The following OR2M4 variants were observed in gnomAD, a reference collection of about 807,000 sequenced individuals.
OR2M4 encodes olfactory receptor 2M4.
A neutral mutation model predicts 13.7 loss-of-function variants in OR2M4; 8 were observed. That is an observed-to-expected ratio of 0.58 (90% CI 0.34 to 1.05). The LOEUF is 1.05. Among genes scored for constraint, OR2M4 ranks in the 50% least tolerant of loss-of-function variants. OR2M4 has a pLI of 0.02. For synonymous variants in OR2M4, 152 were observed against 141.3 expected (o/e 1.08, Z -0.53); for missense variants, 374 against 381.6 (o/e 0.98, Z 0.17).
rs772422678 is a variant in OR2M4, at chr1:248,241,750, C to A, written c.*1886C>A. 4.6e-5 allele frequency: 7 copies of A among 152,008 alleles called. No individual in the cohort carries two copies. In the South Asian group the frequency reaches 1.3e-3, roughly 27 times the overall value. The allele number at this position is 152,008 out of a possible 1,614,324, so 9.4% of individuals were successfully genotyped here. ...CTAAAAAAATACAAAATCAGCCGGG[C>A]GTGGTGGCCCATGCCTGTAATCCCA... is the stretch of plus-strand genomic sequence containing the variant. On this transcript the variant is annotated 3_prime_UTR_variant, in exon 2 of 2. Coordinates refer to ENST00000641868, the MANE Select transcript of OR2M4 (RefSeq NM_017504.2).
rs1278188061 is a variant in OR2M4, at chr1:248,242,186, A to C, written c.*2322A>C. The C allele has an allele frequency of 6.6e-6, 1 of 152,190 alleles. No individual in the cohort carries two copies. The highest frequency in any genetic ancestry group is 1.5e-5 in the Non-Finnish European group (1 of 68,040). 9.4% of individuals were successfully genotyped at this position (152,190 alleles called of 1,614,324 possible). On this transcript the variant is annotated 3_prime_UTR_variant, in exon 2 of 2. Coordinates refer to ENST00000641868, the MANE Select transcript of OR2M4 (RefSeq NM_017504.2). ...CAATTTTATTAATTCAATTAATTAAATTTTATAATACAAAACAGTGAATTT... is the reference window on the plus strand; with the variant it reads ...CAATTTTATTAATTCAATTAATTAACTTTTATAATACAAAACAGTGAATTT...
chr1:248,240,020 C>A lies in OR2M4; in HGVS notation c.*156C>A. The A allele has an allele frequency of 1.9e-6, 1 of 534,456 alleles. No individual in the cohort carries two copies. Among genetic ancestry groups the A allele is most frequent in the South Asian group, 3.1e-5 (1 of 32,766 alleles). 33.1% of individuals were successfully genotyped at this position (534,456 alleles called of 1,614,324 possible). A position where few individuals can be genotyped will look rare whatever the true frequency, so the allele number is the denominator to read the frequency against. Reference sequence around the variant, plus strand: ...ATTCAGTATATTATTACATATACATCGTTTGTATACTAAGCTAGATTTGGA... The same window carrying A: ...ATTCAGTATATTATTACATATACATAGTTTGTATACTAAGCTAGATTTGGA... On this transcript the variant is annotated 3_prime_UTR_variant, in exon 2 of 2. Transcript: ENST00000641868.
In OR2M4 at chr1:248,240,024, T is replaced by C; in HGVS notation, c.*160T>C. ...AGTATATTATTACATATACATCGTT[T>C]GTATACTAAGCTAGATTTGGATGTT... On this transcript the variant is annotated 3_prime_UTR_variant, in exon 2 of 2. Coordinates refer to ENST00000641868, the MANE Select transcript of OR2M4 (RefSeq NM_017504.2). 2 of 537,164 alleles carry C rather than the reference T, an allele frequency of 3.7e-6. No homozygotes were observed. Among genetic ancestry groups the C allele is most frequent in the Non-Finnish European group, 6.4e-6 (2 of 310,988 alleles). 33.3% of individuals were successfully genotyped at this position (537,164 alleles called of 1,614,324 possible). A position where few individuals can be genotyped will look rare whatever the true frequency, so the allele number is the denominator to read the frequency against.
chr1:248,234,055 A>G (rs1038495510), intron 1 of OR2M4, among the ~76,000 whole-genome samples: 5 of 152,198 alleles, frequency 3.3e-5, no homozygotes, highest in Non-Finnish European at 5.9e-5. Flanking sequence ...TCAAATGTGC[A>G]ATGTCCAAGA....
rs2103024224 is a variant in OR2M4, at chr1:248,243,061, A to G, written c.*3197A>G. 1 of 152,312 alleles carries G rather than the reference A, an allele frequency of 6.6e-6. No individual in the cohort carries two copies. Among genetic ancestry groups the G allele is most frequent in the South Asian group, 2.1e-4 (1 of 4,826 alleles). The allele number at this position is 152,312 out of a possible 1,614,324, so 9.4% of individuals were successfully genotyped here. On this transcript the variant is annotated 3_prime_UTR_variant, in exon 2 of 2. Transcript: ENST00000641868. The stretch of plus-strand genomic sequence containing the variant: ...TGTTTGGGACATTGCGTATATGTGA[A>G]TCTAATTTTTCAACTGTAAATTTTA...
rs753101789 is a variant in OR2M4 at position 248,239,702 on chromosome 1, G to A, written c.774G>A (p.Met258Ile). Reference sequence around the variant, plus strand: ...TCTACTACGGTGCTGCTATGTTCATGTACATGAGACCAGCTTCTAAACATA... The same window carrying A: ...TCTACTACGGTGCTGCTATGTTCATATACATGAGACCAGCTTCTAAACATA... Reference protein sequence around the residue: ...VGLYYGAAMFMYMRPASKHTP... With the variant: ...VGLYYGAAMFIYMRPASKHTP... The change falls in exon 2 of 2, where the codon ATG becomes ATA. Residue 258 changes from methionine to isoleucine, a missense_variant. Transcript: ENST00000641868. The A allele has an allele frequency of 1.2e-6, 2 of 1,614,072 alleles. No homozygotes were observed. Among genetic ancestry groups the A allele is most frequent in the Non-Finnish European group, 1.7e-6 (2 of 1,180,022 alleles).
Position 248,239,904 on chromosome 1 carries a change from C to G in OR2M4, c.*40C>G, listed in dbSNP as rs377183149. 1 of 1,269,178 alleles carries G rather than the reference C, an allele frequency of 7.9e-7. No individual in the cohort carries two copies. The highest frequency in any genetic ancestry group is 1.1e-6 in the Non-Finnish European group (1 of 919,266). The allele number at this position is 1,269,178 out of a possible 1,614,324, so 78.6% of individuals were successfully genotyped here. On this transcript the variant is annotated 3_prime_UTR_variant, in exon 2 of 2. Transcript: ENST00000641868. ...TTTTGAGTGCCTACTGTGGTCAACA[C>G]TCATTCAAAAAAACTGGAATCTCTT... is the stretch of plus-strand genomic sequence containing the variant.
At chr1:248,236,717 A>G (rs983925248) in intron 1 of OR2M4, among the ~76,000 whole-genome samples, 2 of 152,196 alleles carry the variant, frequency 1.3e-5, no homozygotes, top group African/African-American at 4.8e-5. Context: ...ACCCAATAAA[A>G]AATGATAAAG....
Position 248,239,502 on chromosome 1 carries a change from A to G in OR2M4, c.574A>G (p.Thr192Ala), listed in dbSNP as rs1292742428. Residue 192 changes from threonine to alanine, a missense_variant, in exon 2 of 2, where the codon ACA becomes GCA. By Grantham distance (58) the Thr-to-Ala change is moderately conservative. Transcript: ENST00000641868. ...CCTTTTACCTCTATCCTGCACAGAA[A>G]CATCTGCATTTGAAAGACTACTTGT... ...AALLPLSCTE[T>A]SAFERLLVIC... 1 of 1,614,124 alleles carries G rather than the reference A, an allele frequency of 6.2e-7. No individual in the cohort carries two copies. The highest frequency in any genetic ancestry group is 8.5e-7 in the Non-Finnish European group (1 of 1,179,994).
Position 248,241,311 on chromosome 1 carries a change from T to A in OR2M4, c.*1447T>A, listed in dbSNP as rs1316405645. On this transcript the variant is annotated 3_prime_UTR_variant, in exon 2 of 2. Transcript: ENST00000641868. Reference sequence around the variant, plus strand: ...TAGCCACAGCAAGAAAATGCACTCGTCAAAGCTGTGAGGCCCTTATTCCAG... The same window carrying A: ...TAGCCACAGCAAGAAAATGCACTCGACAAAGCTGTGAGGCCCTTATTCCAG... The A allele has an allele frequency of 6.6e-6, 1 of 152,098 alleles. No homozygotes were observed. The highest frequency in any genetic ancestry group is 1.5e-5 in the Non-Finnish European group (1 of 68,034). 9.4% of individuals were successfully genotyped at this position (152,098 alleles called of 1,614,324 possible).
intron 1 of OR2M4, among the ~76,000 whole-genome samples, chr1:248,236,382 T>C (rs1666556528): frequency 1.3e-5 from 2 of 152,122 alleles, no homozygotes; most frequent in Admixed American, 1.3e-4. Context: ...AGAGACAATG[T>C]ATCAAAATCT....
intron 1 of OR2M4, among the ~76,000 whole-genome samples, chr1:248,234,472 C>A (rs1400477105): frequency 6.6e-6 from 1 of 152,052 alleles, no homozygotes; most frequent in Middle Eastern, 3.2e-3. Flanking sequence ...TAACAGGCCC[C>A]AGGGTGTGTT....
rs1474465773 is a variant in OR2M4 at position 248,238,506 on chromosome 1, A to T, written c.-19-404A>T. On this transcript the variant is annotated intron_variant, in intron 1 of 1. Transcript: ENST00000641868. ...AATTCTGTTGTCAACGAGACTACTA[A>T]CCTGGAGAAATATTAGGACAGAAGG... is the stretch of plus-strand genomic sequence containing the variant. Among the ~76,000 whole-genome samples, 3 of 152,156 alleles carry T rather than the reference A, an allele frequency of 2.0e-5. No homozygotes were observed. The East Asian group carries it at 5.8e-4, about 29-fold the overall frequency.
rs111428183 is a variant in OR2M4, at chr1:248,238,970, G to T, written c.42G>T (p.Leu14=). The part of the protein sequence containing the change: ...ENQTFNSIFI[L]LGIFNHSPTH... ...AGACCTTCAACTCCATCTTCATCCT[G>T]CTGGGAATCTTCAATCACAGTCCCA... Residue 14 remains leucine, a synonymous_variant, in exon 2 of 2, where the codon CTG becomes CTT. Coordinates refer to ENST00000641868, the MANE Select transcript of OR2M4 (RefSeq NM_017504.2). 5.6e-6 allele frequency: 9 copies of T among 1,611,368 alleles called. No homozygotes were observed. In the African/African-American group the frequency reaches 6.7e-5, roughly 12 times the overall value.
chr1:248,244,246 T>C lies in OR2M4; in HGVS notation c.*4382T>C, dbSNP rs1395635717. 1 of 152,026 alleles carries C rather than the reference T, an allele frequency of 6.6e-6. No homozygotes were observed. Among genetic ancestry groups the C allele is most frequent in the African/African-American group, 2.4e-5 (1 of 41,416 alleles). 9.4% of individuals were successfully genotyped at this position (152,026 alleles called of 1,614,324 possible). ...ATTGTTCTACCCCAAAGACAAATTA[T>C]TCATTCATTGCAGTGTTATTCCCAA... On this transcript the variant is annotated 3_prime_UTR_variant, in exon 2 of 2. Transcript: ENST00000641868.
Position 248,239,531 on chromosome 1 carries a change from T to C in OR2M4, c.603T>C (p.Ile201=), listed in dbSNP as rs990471994. The change falls in exon 2 of 2, where the codon ATT becomes ATC. Residue 201 remains isoleucine, a synonymous_variant. Transcript: ENST00000641868. ...CTGCATTTGAAAGACTACTTGTCAT[T>C]TGTTGTGTGGTAATGCTAATCTTTC... ...ETSAFERLLV[I]CCVVMLIFPV... 7 of 1,614,012 alleles carry C rather than the reference T, an allele frequency of 4.3e-6. No homozygotes were observed. In the African/African-American group the frequency reaches 8.0e-5, roughly 18 times the overall value.
intron 1 of OR2M4, among the ~76,000 whole-genome samples, chr1:248,232,708 C>G (rs1199458689): frequency 5.3e-5 from 8 of 152,050 alleles, no homozygotes; most frequent in Admixed American, 5.2e-4. Context: ...CATTGTAACG[C>G]AATTCTATTC....
At chr1:248,233,824 C>T (rs926661297) in intron 1 of OR2M4, among the ~76,000 whole-genome samples, 2 of 151,900 alleles carry the variant, frequency 1.3e-5, no homozygotes, top group African/African-American at 4.8e-5. Context: ...CTCCAGGGTA[C>T]TGTTTTACAA....
intron 1 of OR2M4, among the ~76,000 whole-genome samples, chr1:248,231,970 A>T (rs908840933): frequency 6.6e-6 from 1 of 152,190 alleles, no homozygotes; most frequent in African/African-American, 2.4e-5. Context: ...CTCAACATGA[A>T]TTTACAAAAA....
Sources: gnomAD v4.1 joint callset for allele counts (sites outside exome capture counted in the v4.1 genomes callset) on GRCh38, gnomAD v4.1.1 for gene constraint, MANE v1.5 for transcripts, NCBI Gene and HGNC (gene_info 2026-07-23, HGNC 2026-07-21) for gene names.